CALN1: variants seen among roughly 807,000 people sequenced by gnomAD.
CALN1 encodes calneuron 1.
CALN1 carries 17 observed loss-of-function variants against 30.6 expected under a neutral mutation model. The ratio of observed to expected loss-of-function variants is 0.56; its 90% CI spans 0.38 to 0.83. The LOEUF is 0.83. Among genes scored for constraint, CALN1 ranks in the 40% least tolerant of loss-of-function variants. The probability of loss-of-function intolerance (pLI) is 0.00; values close to 1 mark genes in which losing one functional copy is unlikely to be tolerated. For missense variants in CALN1, 291 were observed against 354.9 expected, an observed-to-expected ratio of 0.82 and a Z score of 1.45; for synonymous variants, 156 against 131.4, an observed-to-expected ratio of 1.19 and a Z score of -1.28.
chr7:71,899,779 T>C (rs1341119812), intron 5 of CALN1, among the ~76,000 whole-genome samples: 2 of 152,162 alleles, frequency 1.3e-5, no homozygotes, highest in Non-Finnish European at 2.9e-5. Flanking sequence ...CAACAAAATG[T>C]CACCATATGG....
chr7:72,113,683 T>A (rs779959703), intron 3 of CALN1, among the ~76,000 whole-genome samples: 1 of 152,196 alleles, frequency 6.6e-6, no homozygotes, highest in African/African-American at 2.4e-5. Context: ...CCACTGGTTG[T>A]CTATTTTCTC....
intron 2 of CALN1, among the ~76,000 whole-genome samples, chr7:72,355,177 C>G (rs896347003): frequency 1.3e-5 from 2 of 152,132 alleles, no homozygotes; most frequent in Admixed American, 1.3e-4. Context: ...CAAAGTGCTG[C>G]GATTACAGGC....
intron 3 of CALN1, among the ~76,000 whole-genome samples, chr7:72,203,238 G>A (rs141859280): frequency 4.6e-5 from 7 of 152,118 alleles, no homozygotes; most frequent in African/African-American, 7.2e-5. Context: ...TAATGCATGC[G>A]GGGCTTAAAA....
chr7:71,930,146 GAC>G (rs1351104406), intron 5 of CALN1, among the ~76,000 whole-genome samples: 2 of 152,202 alleles, frequency 1.3e-5, no homozygotes, highest in East Asian at 1.9e-4. Flanking sequence ...GTTTTGGACA[GAC>G]ACAATTTTTT....
At chr7:72,389,906 C>A (rs1805467569) in intron 2 of CALN1, among the ~76,000 whole-genome samples, 1 of 144,772 alleles carries the variant, frequency 6.9e-6, no homozygotes. Flanking sequence ...CCAGCCTGGG[C>A]AACAAGAGCA....
At chr7:71,965,876 A>T (rs1797505422) in intron 5 of CALN1, among the ~76,000 whole-genome samples, 1 of 151,008 alleles carries the variant, frequency 6.6e-6, no homozygotes, top group Non-Finnish European at 1.5e-5. Context: ...AGCCTAGAGG[A>T]TCTTTCTTGG....
At chr7:71,858,341 T>C (rs1047615911) in intron 5 of CALN1, among the ~76,000 whole-genome samples, 2 of 152,118 alleles carry the variant, frequency 1.3e-5, no homozygotes, top group African/African-American at 4.8e-5. Context: ...ACCTCTTTCC[T>C]TTATAAATCA....
At chr7:72,193,450 A>G (rs1333329220) in intron 3 of CALN1, among the ~76,000 whole-genome samples, 1 of 152,208 alleles carries the variant, frequency 6.6e-6, no homozygotes, top group African/African-American at 2.4e-5. Context: ...TCCAGATGCC[A>G]TTGTAGGAAG....
At chr7:71,829,907 T>C (rs377004505) in intron 5 of CALN1, among the ~76,000 whole-genome samples, 1 of 152,226 alleles carries the variant, frequency 6.6e-6, no homozygotes, top group East Asian at 1.9e-4. Flanking sequence ...GTTCATTTTA[T>C]GTGAAACAGA....
At chr7:72,105,149 ACT>A (rs1476771418) in intron 4 of CALN1, among the ~76,000 whole-genome samples, 1 of 151,418 alleles carries the variant, frequency 6.6e-6, no homozygotes, top group Non-Finnish European at 1.5e-5. Context: ...CAAATCTGTG[ACT>A]CTCGTCTGGC....
At chr7:72,501,971 A>C in the CALN1 span, among the ~76,000 whole-genome samples, 3 of 126,772 alleles carry the variant, frequency 2.4e-5, no homozygotes, top group Admixed American at 1.6e-4. Flanking sequence ...ATATATAAAT[A>C]TATATACACA....
intron 2 of CALN1, among the ~76,000 whole-genome samples, chr7:72,299,172 T>A (rs1562856782): frequency 6.6e-6 from 1 of 152,140 alleles, no homozygotes; most frequent in Admixed American, 6.6e-5. Context: ...CATTCTCTAC[T>A]GTAGATAATC....
chr7:71,974,065 A>C (rs1191430012), intron 5 of CALN1, among the ~76,000 whole-genome samples: 1 of 152,184 alleles, frequency 6.6e-6, no homozygotes, highest in Non-Finnish European at 1.5e-5. Flanking sequence ...GATGTAATTC[A>C]ACCAAATATA....
chr7:72,057,231 G>A (rs1182370360), intron 4 of CALN1, among the ~76,000 whole-genome samples: 1 of 152,154 alleles, frequency 6.6e-6, no homozygotes, highest in Non-Finnish European at 1.5e-5. Context: ...ACAAGCTTGA[G>A]CCATGAAGCC....
chr7:72,446,687 T>C (rs1349697896), intron 1 of CALN1, among the ~76,000 whole-genome samples: 5 of 152,148 alleles, frequency 3.3e-5, no homozygotes, highest in African/African-American at 4.8e-5. Flanking sequence ...TTATGCCCTT[T>C]TCATTATCTC....
At chr7:71,826,503 T>G (rs748050228) in intron 5 of CALN1, among the ~76,000 whole-genome samples, 1 of 152,168 alleles carries the variant, frequency 6.6e-6, no homozygotes, top group Non-Finnish European at 1.5e-5. Flanking sequence ...CTTGAATACC[T>G]AGGGCTAGGG....
At chr7:72,299,463 C>CAGAGTTTACGTAAAACAGA (rs76299508) in intron 2 of CALN1, among the ~76,000 whole-genome samples, 39 of 152,108 alleles carry the variant, frequency 2.6e-4, no homozygotes, top group Non-Finnish European at 5.0e-4. Context: ...AGTTAAGAGG[C>CAGAGTTTACGTAAAACAGA]AGAAATTACA....
rs570941022 is a variant in CALN1, at chr7:71,929,317, C to T, written c.501+94340G>A. Among the ~76,000 whole-genome samples the T allele has an allele frequency of 2.0e-5, 3 of 152,226 alleles. No homozygotes were observed. In the South Asian group the frequency reaches 6.2e-4, roughly 32 times the overall value. On this transcript the variant is annotated intron_variant, in intron 5 of 6. Transcript: ENST00000395275. Reference sequence around the variant, plus strand: ...CTCTGACAGGCCCCAGTGTGTGTTGCTCCCCTTGATGTTTCCATGTGTTCT... The same window carrying T: ...CTCTGACAGGCCCCAGTGTGTGTTGTTCCCCTTGATGTTTCCATGTGTTCT...
chr7:72,395,812 G>C lies in CALN1; in HGVS notation c.119+7439C>G, dbSNP rs148340558. Among the ~76,000 whole-genome samples the C allele has an allele frequency of 1.5e-3, 227 of 152,238 alleles. 4 individuals carry two copies. Among genetic ancestry groups the C allele is most frequent in the Non-Finnish European group, 1.3e-3 (89 of 68,012 alleles). On this transcript the variant is annotated intron_variant, in intron 2 of 6. Transcript: ENST00000395275. ...GCAAAGCATGCTTGTTGAGCTGATA[G>C]CAGGGTGGCAAAAATCCTCCCCCTG...
Sources: gnomAD v4.1 joint callset for allele counts (sites outside exome capture counted in the v4.1 genomes callset) on GRCh38, gnomAD v4.1.1 for gene constraint, MANE v1.5 for transcripts, NCBI Gene and HGNC (gene_info 2026-07-23, HGNC 2026-07-21) for gene names.